CTNND2: variants seen among roughly 807,000 people sequenced by gnomAD.
The protein encoded by CTNND2 is catenin delta-2.
Under a neutral mutation model 144.4 loss-of-function variants are expected in CTNND2, and 22 were observed. That is an observed-to-expected ratio of 0.15 (90% confidence interval 0.11 to 0.22). CTNND2 has a LOEUF of 0.22. Ranked by LOEUF, CTNND2 falls within the 10% of genes least tolerant of loss-of-function variation. CTNND2 has a pLI of 1.00. For synonymous variants in CTNND2, 751 were observed against 695.6 expected, an observed-to-expected ratio of 1.08 and a Z score of -1.25; for missense variants, 1,353 against 1,618.8, an observed-to-expected ratio of 0.84 and a Z score of 2.82.
intron 10 of CTNND2, among the ~76,000 whole-genome samples, chr5:11,211,716 T>A (rs907624406): frequency 1.3e-5 from 2 of 152,242 alleles, no homozygotes; most frequent in Admixed American, 1.3e-4. Context: ...TAAAAACTGC[T>A]ATTCTTTTGT....
chr5:11,381,555 A>G lies in CTNND2; in HGVS notation c.1177+3110T>C, dbSNP rs187975931. 1.5e-3 allele frequency among the ~76,000 whole-genome samples: 227 copies of G among 152,368 alleles called. 1 individual carries two copies. The highest frequency in any genetic ancestry group is 6.7e-3 in the Admixed American group (102 of 15,306). On this transcript the variant is annotated intron_variant, in intron 7 of 21. Transcript: ENST00000304623. ...TGAACTTGCTGTTCCTCCTGCTTAGAAAACCTTCTGCCCAGATAGTCACAG... is the reference window on the plus strand; with the variant it reads ...TGAACTTGCTGTTCCTCCTGCTTAGGAAACCTTCTGCCCAGATAGTCACAG...
intron 1 of CTNND2, among the ~76,000 whole-genome samples, chr5:11,877,817 T>A (rs552105501): frequency 2.6e-5 from 4 of 152,186 alleles, no homozygotes; most frequent in East Asian, 3.9e-4. Flanking sequence ...ACAAAAAGAC[T>A]TTTCTTTCAT....
chr5:11,893,626 T>A (rs1200745479), intron 1 of CTNND2, among the ~76,000 whole-genome samples: 1 of 152,146 alleles, frequency 6.6e-6, no homozygotes, highest in East Asian at 1.9e-4. Flanking sequence ...AGCTTCCACA[T>A]CCATCGCCTA....
chr5:11,515,751 A>G (rs1042291262), intron 3 of CTNND2, among the ~76,000 whole-genome samples: 5 of 152,206 alleles, frequency 3.3e-5, no homozygotes, highest in Admixed American at 6.5e-5. Flanking sequence ...TCAAAGGTAC[A>G]ATTTTCTGTT....
chr5:11,419,303 T>C (rs925141093), intron 3 of CTNND2, among the ~76,000 whole-genome samples: 1 of 152,226 alleles, frequency 6.6e-6, no homozygotes, highest in African/African-American at 2.4e-5. Context: ...AGAGAAAAAA[T>C]TCCCCATGAT....
intron 3 of CTNND2, among the ~76,000 whole-genome samples, chr5:11,424,024 T>G (rs983908857): frequency 6.6e-6 from 1 of 152,212 alleles, no homozygotes; most frequent in Non-Finnish European, 1.5e-5. Context: ...TTTACTTCCT[T>G]AAGAGCAATA....
chr5:11,092,906 C>CTA (rs889595456), intron 15 of CTNND2, among the ~76,000 whole-genome samples: 1 of 152,204 alleles, frequency 6.6e-6, no homozygotes, highest in African/African-American at 2.4e-5. Context: ...ACACTACCTA[C>CTA]TAAGCTATGC....
intron 9 of CTNND2, among the ~76,000 whole-genome samples, chr5:11,320,383 T>C (rs1278684709): frequency 2.0e-5 from 3 of 152,222 alleles, no homozygotes; most frequent in Non-Finnish European, 2.9e-5. Flanking sequence ...ACAAACCAGC[T>C]ACTATGTCAT....
chr5:11,348,381 G>A (rs965101026), intron 8 of CTNND2, among the ~76,000 whole-genome samples: 1 of 145,276 alleles, frequency 6.9e-6, no homozygotes, highest in African/African-American at 2.5e-5. Context: ...AATGTACAGA[G>A]GTAAACAAAA....
chr5:11,684,726 G>A (rs2115266), intron 2 of CTNND2, among the ~76,000 whole-genome samples: 10,741 of 152,204 alleles, frequency 0.071, 1,278 homozygotes, highest in African/African-American at 0.24. Context: ...TCTGTTAGGT[G>A]ATCTGGTGAT....
At chr5:10,978,090 G>A (rs1028850469) in intron 21 of CTNND2, among the ~76,000 whole-genome samples, 1 of 152,200 alleles carries the variant, frequency 6.6e-6, no homozygotes, top group African/African-American at 2.4e-5. Flanking sequence ...CGGGAGACAG[G>A]AGCGCTCAGC....
At chr5:11,145,948 ATC>A (rs1218781028) in intron 12 of CTNND2, among the ~76,000 whole-genome samples, 1 of 152,112 alleles carries the variant, frequency 6.6e-6, no homozygotes, top group East Asian at 1.9e-4. Flanking sequence ...GGCCTGGAGC[ATC>A]TCTCTGCGCC....
At chr5:11,859,106 C>G (rs1239908958) in intron 1 of CTNND2, among the ~76,000 whole-genome samples, 2 of 152,192 alleles carry the variant, frequency 1.3e-5, no homozygotes, top group Non-Finnish European at 2.9e-5. Flanking sequence ...CAAGCCTGAA[C>G]TCAGACACAC....
At chr5:11,034,240 G>A (rs991802674) in intron 16 of CTNND2, among the ~76,000 whole-genome samples, 2 of 152,076 alleles carry the variant, frequency 1.3e-5, no homozygotes, top group East Asian at 1.9e-4. Context: ...TTAATAATAC[G>A]AATTTTTAAG....
chr5:11,871,847 G>T (rs1383704521), intron 1 of CTNND2, among the ~76,000 whole-genome samples: 2 of 152,120 alleles, frequency 1.3e-5, no homozygotes, highest in Non-Finnish European at 2.9e-5. Flanking sequence ...AAGCAGAAAT[G>T]ATTACATAGT....
chr5:11,566,765 G>A (rs1169377175), intron 2 of CTNND2, among the ~76,000 whole-genome samples: 1 of 152,194 alleles, frequency 6.6e-6, no homozygotes, highest in Non-Finnish European at 1.5e-5. Flanking sequence ...CCCGCTTCAG[G>A]TGGTGACTTC....
chr5:11,603,995 A>T (rs1779932370), intron 2 of CTNND2, among the ~76,000 whole-genome samples: 1 of 152,198 alleles, frequency 6.6e-6, no homozygotes, highest in Non-Finnish European at 1.5e-5. Flanking sequence ...TACAGATTGA[A>T]TTGGTATTTT....
At chr5:11,001,003 C>T (rs1024421270) in intron 18 of CTNND2, among the ~76,000 whole-genome samples, 1 of 152,144 alleles carries the variant, frequency 6.6e-6, no homozygotes, top group Non-Finnish European at 1.5e-5. Flanking sequence ...AGTGCTAAAT[C>T]CCAGGAGGCC....
intron 11 of CTNND2, among the ~76,000 whole-genome samples, chr5:11,188,960 C>G (rs916876089): frequency 2.6e-5 from 4 of 152,202 alleles, no homozygotes; most frequent in Non-Finnish European, 4.4e-5. Flanking sequence ...CTTCACAGCA[C>G]TTGTCACATG....
Sources: allele counts gnomAD v4.1 joint callset (sites outside exome capture counted in the v4.1 genomes callset), GRCh38; gene constraint gnomAD v4.1.1; transcripts MANE v1.5; gene names NCBI Gene and HGNC (gene_info 2026-07-23, HGNC 2026-07-21).